JAK2: variants seen among roughly 807,000 people sequenced by gnomAD.
JAK2 encodes the protein Janus kinase 2, also known as tyrosine-protein kinase JAK2.
Under a neutral mutation model 139.3 loss-of-function variants are expected in JAK2, and 86 were observed. The observed-to-expected ratio is 0.62, with a 90% CI of 0.52 to 0.74. The LOEUF is 0.74. Ranked by LOEUF, JAK2 falls within the 30% of genes least tolerant of loss-of-function variation. The pLI is 0.00. For synonymous variants in JAK2, 490 were observed against 437.7 expected, an observed-to-expected ratio of 1.12 and a Z score of -1.49; for missense variants, 1,421 against 1,360.3, an observed-to-expected ratio of 1.04 and a Z score of -0.70.
rs143735347 is a variant in JAK2, at chr9:5,060,535, A to G, written c.1057-4348A>G. 7.2e-3 allele frequency among the ~76,000 whole-genome samples: 1,098 copies of G among 152,282 alleles called. 10 individuals are homozygous for G. Among genetic ancestry groups the G allele is most frequent in the African/African-American group, 0.025 (1,053 of 41,560 alleles). ...TTCCATCTCAAGAAACCATTTTTTTATGCATAAGAAGCAACTTATCTGTCC... is the reference window on the plus strand; with the variant it reads ...TTCCATCTCAAGAAACCATTTTTTTGTGCATAAGAAGCAACTTATCTGTCC... On this transcript the variant is annotated intron_variant, in intron 8 of 24. Coordinates refer to ENST00000381652, the MANE Select transcript of JAK2 (RefSeq NM_004972.4).
At chr9:4,994,305 G>A (rs1284718839) in intron 2 of JAK2, among the ~76,000 whole-genome samples, 1 of 152,116 alleles carries the variant, frequency 6.6e-6, no homozygotes, top group Non-Finnish European at 1.5e-5. Context: ...AAGACAGTGA[G>A]GATTAACTGT....
intron 4 of JAK2, among the ~76,000 whole-genome samples, chr9:5,042,862 C>A (rs1214362246): frequency 6.6e-6 from 1 of 152,196 alleles, no homozygotes; most frequent in Non-Finnish European, 1.5e-5. Context: ...AGCTCGGTCG[C>A]CACAGGCACG....
At chr9:5,041,741 C>T in intron 4 of JAK2, 1 of 492,446 alleles carries the variant, frequency 2.0e-6, no homozygotes, top group Non-Finnish European at 4.0e-6. Context: ...CCTTGGCGAC[C>T]CCCATCAGCA....
chr9:5,061,601 A>C (rs959857309), intron 8 of JAK2, among the ~76,000 whole-genome samples: 1 of 152,238 alleles, frequency 6.6e-6, no homozygotes, highest in East Asian at 1.9e-4. Flanking sequence ...GCTCTAGATT[A>C]GGCTTTGGCT....
intron 8 of JAK2, among the ~76,000 whole-genome samples, chr9:5,061,887 C>T (rs993894218): frequency 7.9e-5 from 12 of 152,126 alleles, no homozygotes; most frequent in African/African-American, 2.9e-4. Context: ...CACTTGAATA[C>T]TCAGTGGTCA....
At chr9:5,076,138 T>C (rs1297011362) in intron 14 of JAK2, among the ~76,000 whole-genome samples, 1 of 152,144 alleles carries the variant, frequency 6.6e-6, no homozygotes, top group Non-Finnish European at 1.5e-5. Flanking sequence ...GCAGAGAAAG[T>C]GGTTTCTTAA....
At chr9:5,097,827 C>T (rs775595843) in intron 22 of JAK2, 12 of 152,204 alleles carry the variant, frequency 7.9e-5, no homozygotes, top group Non-Finnish European at 1.6e-4. Context: ...TGTTCGCCAT[C>T]ATAGGAGGCT....
At chr9:5,078,677 CTAAT>C (rs1369524395) in intron 16 of JAK2, among the ~76,000 whole-genome samples, 3 of 152,066 alleles carry the variant, frequency 2.0e-5, no homozygotes, top group Non-Finnish European at 4.4e-5. Flanking sequence ...GTTTTAATCT[CTAAT>C]TATGTATGAA....
chr9:5,053,705 G>A (rs1032413088), intron 6 of JAK2, among the ~76,000 whole-genome samples: 9 of 151,954 alleles, frequency 5.9e-5, no homozygotes, highest in African/African-American at 1.9e-4. Flanking sequence ...TGGCCAGAAG[G>A]AAATGTGGGA....
intron 3 of JAK2, among the ~76,000 whole-genome samples, chr9:5,025,506 C>A (rs1822722871): frequency 6.8e-6 from 1 of 147,616 alleles, no homozygotes; most frequent in Non-Finnish European, 1.5e-5. Flanking sequence ...TTCTTTTCTT[C>A]TTCTTTTGTT....
At chr9:4,988,289 C>A (rs992706943) in intron 2 of JAK2, among the ~76,000 whole-genome samples, 1 of 152,174 alleles carries the variant, frequency 6.6e-6, no homozygotes, top group Non-Finnish European at 1.5e-5. Flanking sequence ...GATACCTACA[C>A]CCGTTTCTAC....
chr9:5,056,741 A>G (rs2130427529), intron 8 of JAK2, among the ~76,000 whole-genome samples: 1 of 152,292 alleles, frequency 6.6e-6, no homozygotes, highest in South Asian at 2.1e-4. Flanking sequence ...CTCAATGTGG[A>G]TATATAATAA....
chr9:5,085,525 A>G lies in JAK2; in HGVS notation c.2571+3664A>G, dbSNP rs1033286199. 1.7e-5 allele frequency: 12 copies of G among 716,990 alleles called. No individual in the cohort carries two copies. In the African/African-American group the frequency reaches 1.7e-4, roughly 10 times the overall value. 44.4% of individuals were successfully genotyped at this position (716,990 alleles called of 1,614,324 possible). ...GAGCTGAAGAAATTCACCACACACC[A>G]AATCTTCAATAACTCGGGTTAAAAT... is the stretch of plus-strand genomic sequence containing the variant. On this transcript the variant is annotated intron_variant, in intron 19 of 24. Coordinates refer to ENST00000381652, the MANE Select transcript of JAK2 (RefSeq NM_004972.4).
intron 5 of JAK2, among the ~76,000 whole-genome samples, chr9:5,045,346 C>A (rs944182141): frequency 6.6e-6 from 1 of 152,054 alleles, no homozygotes; most frequent in African/African-American, 2.4e-5. Flanking sequence ...AGTTTATGAA[C>A]AACAAAAGGA....
chr9:5,087,874 A>G (rs532475054), intron 19 of JAK2, among the ~76,000 whole-genome samples: 33 of 152,256 alleles, frequency 2.2e-4, no homozygotes, highest in African/African-American at 7.7e-4. Context: ...GTATTTAAAA[A>G]TTTTTCTTAG....
intron 22 of JAK2, among the ~76,000 whole-genome samples, chr9:5,107,400 C>G (rs1468096219): frequency 6.6e-6 from 1 of 152,064 alleles, no homozygotes; most frequent in Non-Finnish European, 1.5e-5. Flanking sequence ...TCCTAGTAGC[C>G]AACACATTTC....
chr9:5,088,596 T>C (rs952064883), intron 19 of JAK2, among the ~76,000 whole-genome samples: 16 of 152,234 alleles, frequency 1.1e-4, no homozygotes, highest in African/African-American at 3.9e-4. Context: ...ACTTCTTAAT[T>C]TGCTTTGGCT....
chr9:5,122,122 G>C (rs1439031767), intron 22 of JAK2, among the ~76,000 whole-genome samples: 1 of 152,118 alleles, frequency 6.6e-6, no homozygotes, highest in Non-Finnish European at 1.5e-5. Context: ...AGGATTTGTG[G>C]AGATTAGGAA....
At chr9:5,034,184 G>A (rs1244934732) in intron 4 of JAK2, among the ~76,000 whole-genome samples, 2 of 152,172 alleles carry the variant, frequency 1.3e-5, no homozygotes, top group East Asian at 1.9e-4. Context: ...TCAACAAAAA[G>A]AGCTAACTGT....
Sources: gnomAD v4.1 joint callset for allele counts (sites outside exome capture counted in the v4.1 genomes callset) on GRCh38, gnomAD v4.1.1 for gene constraint, MANE v1.5 for transcripts, NCBI Gene and HGNC (gene_info 2026-07-23, HGNC 2026-07-21) for gene names.